AVEN: variants seen among roughly 807,000 people sequenced by gnomAD.
AVEN encodes the protein cell death regulator Aven.
In AVEN, 41 loss-of-function variants were observed where a neutral mutation model predicts 38.1. The ratio of observed to expected loss-of-function variants is 1.08; its 90% CI spans 0.84 to 1.40. The LOEUF is 1.40. AVEN is among the 40% of genes most tolerant of loss of function. The pLI is 0.00. For missense variants in AVEN, 605 were observed against 438.8 expected, an observed-to-expected ratio of 1.38 and a Z score of -3.38; for synonymous variants, 206 against 171.8, an observed-to-expected ratio of 1.20 and a Z score of -1.56.
downstream of AVEN, among the ~76,000 whole-genome samples, chr15:33,863,196 C>A (rs750506155): frequency 6.6e-6 from 1 of 152,104 alleles, no homozygotes; most frequent in Non-Finnish European, 1.5e-5. Context: ...CGTGTTTGAG[C>A]CTCCCACCTA....
At chr15:34,021,180 C>T (rs1898183916) in intron 1 of AVEN, among the ~76,000 whole-genome samples, 1 of 152,006 alleles carries the variant, frequency 6.6e-6, no homozygotes, top group Non-Finnish European at 1.5e-5. Flanking sequence ...GAAAAAATTG[C>T]ATCTTTTTCT....
At chr15:33,857,651 C>T, downstream of AVEN, 5 of 1,158,828 alleles carry the variant, frequency 4.3e-6, no homozygotes, top group Non-Finnish European at 6.2e-6. Context: ...TAGCCGCCCT[C>T]CACCCCTTCC....
At chr15:33,916,653 T>C (rs964039399) in intron 2 of AVEN, among the ~76,000 whole-genome samples, 3 of 152,072 alleles carry the variant, frequency 2.0e-5, no homozygotes, top group Non-Finnish European at 2.9e-5. Flanking sequence ...ACATTACTCC[T>C]GCAAGAACGG....
intron 2 of AVEN, among the ~76,000 whole-genome samples, chr15:33,877,954 A>T (rs114653145): frequency 0.028 from 4,246 of 152,234 alleles, 200 homozygotes; most frequent in African/African-American, 0.095. Context: ...GTCTCAAATA[A>T]ATAAATAATA....
At chr15:34,026,209 T>C (rs1430907200) in intron 1 of AVEN, among the ~76,000 whole-genome samples, 7 of 152,206 alleles carry the variant, frequency 4.6e-5, no homozygotes, top group African/African-American at 1.4e-4. Flanking sequence ...AAAAGTCTTA[T>C]GACATCTTCC....
At chr15:33,931,530 C>T (rs1893851146) in intron 2 of AVEN, among the ~76,000 whole-genome samples, 3 of 151,858 alleles carry the variant, frequency 2.0e-5, no homozygotes, top group Admixed American at 1.3e-4. Context: ...GCCACCACAC[C>T]CAGCTAATTT....
At chr15:33,951,558 T>TA (rs1436629593) in intron 2 of AVEN, among the ~76,000 whole-genome samples, 5 of 124,222 alleles carry the variant, frequency 4.0e-5, no homozygotes, top group African/African-American at 1.5e-4. Flanking sequence ...ACTTAAAGTA[T>TA]AATAAAAAAA....
chr15:33,882,165 A>C lies in AVEN; in HGVS notation c.446-6170T>G, dbSNP rs545879285. On this transcript the variant is annotated intron_variant, in intron 2 of 5. Coordinates refer to ENST00000306730, the MANE Select transcript of AVEN (RefSeq NM_020371.3). ...CCTCAAACAAGATGGAAGAGCAGCT[A>C]GTGCCTATTACATAGCCTGCTTAAA... is the stretch of plus-strand genomic sequence containing the variant. Among the ~76,000 whole-genome samples, 91 of 152,284 alleles carry C rather than the reference A, an allele frequency of 6.0e-4. 4 individuals are homozygous for C. The South Asian group carries it at 0.018, about 31-fold the overall frequency.
intron 2 of AVEN, among the ~76,000 whole-genome samples, chr15:33,916,069 CT>C (rs1893125165): frequency 1.3e-5 from 2 of 152,132 alleles, no homozygotes; most frequent in Non-Finnish European, 2.9e-5. Flanking sequence ...CTGCTCCCAT[CT>C]GATGGTTTTT....
intron 1 of AVEN, among the ~76,000 whole-genome samples, chr15:34,005,485 C>CA (rs1425817604): frequency 2.6e-5 from 4 of 152,116 alleles, no homozygotes; most frequent in Non-Finnish European, 5.9e-5. Flanking sequence ...TGTAAGTGCT[C>CA]AATGGAGTCA....
chr15:34,037,211 C>CT (rs1216592833), intron 1 of AVEN, among the ~76,000 whole-genome samples: 1 of 152,034 alleles, frequency 6.6e-6, no homozygotes, highest in Non-Finnish European at 1.5e-5. Context: ...CTTAAAGACA[C>CT]TTATTAGTAA....
chr15:33,923,230 A>AAG (rs1893472697), intron 2 of AVEN, among the ~76,000 whole-genome samples: 1 of 152,198 alleles, frequency 6.6e-6, no homozygotes. Context: ...CTAGTAATGT[A>AAG]AGATTTAGCC....
chr15:33,873,267 T>A (rs550459811), intron 3 of AVEN, among the ~76,000 whole-genome samples: 164 of 150,954 alleles, frequency 1.1e-3, no homozygotes, highest in African/African-American at 3.8e-3. Flanking sequence ...GCCCAGCTAA[T>A]TTTTGTATTT....
At chr15:33,872,665 T>C (rs953000598) in intron 3 of AVEN, among the ~76,000 whole-genome samples, 3 of 152,170 alleles carry the variant, frequency 2.0e-5, no homozygotes, top group Non-Finnish European at 2.9e-5. Flanking sequence ...AGCCAGTATA[T>C]TGCCCAAGGA....
At chr15:33,971,939 C>T (rs1471386058) in intron 2 of AVEN, 1 of 152,008 alleles carries the variant, frequency 6.6e-6, no homozygotes, top group Non-Finnish European at 1.5e-5. Flanking sequence ...TGGGAAGTGG[C>T]TCTGATATCA....
intron 2 of AVEN, among the ~76,000 whole-genome samples, chr15:33,985,689 C>T (rs1201431830): frequency 1.3e-5 from 2 of 152,048 alleles, no homozygotes; most frequent in African/African-American, 4.8e-5. Flanking sequence ...ATGCATGATA[C>T]ACCTGATTCC....
At chr15:33,868,628 A>C (rs1470220714) in intron 4 of AVEN, among the ~76,000 whole-genome samples, 3 of 152,112 alleles carry the variant, frequency 2.0e-5, no homozygotes, top group Non-Finnish European at 2.9e-5. Context: ...CACTAATATA[A>C]AGGTGCAGTA....
chr15:33,887,280 G>T (rs191306119), intron 2 of AVEN, among the ~76,000 whole-genome samples: 107 of 152,236 alleles, frequency 7.0e-4, no homozygotes, highest in Middle Eastern at 3.4e-3. Flanking sequence ...TCAGCTTCTA[G>T]GGGAGGGATT....
intron 2 of AVEN, among the ~76,000 whole-genome samples, chr15:33,923,269 A>AT (rs912837777): frequency 1.3e-5 from 2 of 152,242 alleles, no homozygotes; most frequent in Non-Finnish European, 2.9e-5. Flanking sequence ...TACAAAAAGG[A>AT]GTAATTGTGT....
Sources: allele counts gnomAD v4.1 joint callset (sites outside exome capture counted in the v4.1 genomes callset), GRCh38; gene constraint gnomAD v4.1.1; transcripts MANE v1.5; gene names NCBI Gene and HGNC (gene_info 2026-07-23, HGNC 2026-07-21).